PRDM16: variants seen among roughly 807,000 people sequenced by gnomAD.
PRDM16 encodes PR/SET domain 16, also known as histone-lysine N-methyltransferase PRDM16.
PRDM16 carries 23 observed loss-of-function variants against 110.6 expected under a neutral mutation model. That is an observed-to-expected ratio of 0.21 (90% CI 0.15 to 0.29). The LOEUF (loss-of-function observed/expected upper bound fraction) is 0.29, where lower values mean the gene tolerates loss of function less well. Ranked by LOEUF, PRDM16 falls within the 10% of genes least tolerant of loss-of-function variation. The probability of loss-of-function intolerance (pLI) is 1.00; values close to 1 mark genes in which losing one functional copy is unlikely to be tolerated. For synonymous variants in PRDM16, 799 were observed against 781.8 expected (o/e 1.02, Z -0.37); for missense variants, 1,615 against 1,794.3 (o/e 0.90, Z 1.81).
intron 3 of PRDM16, among the ~76,000 whole-genome samples, chr1:3,275,105 G>A (rs1253898181): frequency 6.6e-6 from 1 of 152,240 alleles, no homozygotes; most frequent in Non-Finnish European, 1.5e-5. Flanking sequence ...ACGCTTAGGT[G>A]AAATGTGCCG....
intron 1 of PRDM16, among the ~76,000 whole-genome samples, chr1:3,184,629 G>A (rs974139787): frequency 6.6e-6 from 1 of 152,204 alleles, no homozygotes; most frequent in Admixed American, 6.5e-5. Flanking sequence ...CAGTGGCAGT[G>A]AGCCGTTCAC....
At chr1:3,131,161 A>G (rs1643328470) in intron 1 of PRDM16, among the ~76,000 whole-genome samples, 1 of 151,850 alleles carries the variant, frequency 6.6e-6, no homozygotes, top group Non-Finnish European at 1.5e-5. Context: ...TTTTTTCATC[A>G]TCCTGATGAT....
intron 1 of PRDM16, among the ~76,000 whole-genome samples, chr1:3,095,552 T>C (rs961870235): frequency 6.6e-6 from 1 of 152,126 alleles, no homozygotes; most frequent in Admixed American, 6.5e-5. Context: ...GCTCAGCTGC[T>C]GGTCCTCCCT....
In PRDM16 at chr1:3,148,351, C is replaced by A. The variant is rs1569690778; in HGVS notation, c.38-37774C>A. ...CTAGGGGTGTCCCTCACCAGGCAGC[C>A]CTGCAAACCCAGGAGCCAGGAGCTG... is the stretch of plus-strand genomic sequence containing the variant. On this transcript the variant is annotated intron_variant, in intron 1 of 16. Coordinates refer to ENST00000270722, the MANE Select transcript of PRDM16 (RefSeq NM_022114.4). This position sits in a 1 kb window ranked among gnomAD's most constrained non-coding sequence, Gnocchi z 5.0. 6.6e-6 allele frequency among the ~76,000 whole-genome samples: 1 copy of A among 152,120 alleles called. No individual in the cohort carries two copies. The highest frequency in any genetic ancestry group is 1.5e-5 in the Non-Finnish European group (1 of 68,010).
intron 1 of PRDM16, among the ~76,000 whole-genome samples, chr1:3,156,249 C>G (rs1333025227): frequency 6.6e-6 from 1 of 152,218 alleles, no homozygotes; most frequent in South Asian, 2.1e-4. Flanking sequence ...GGCTCCCGGG[C>G]AGCAGGACAG....
Position 3,201,290 on chromosome 1 carries a change from T to TG in PRDM16, c.387+14819dup, listed in dbSNP as rs34461209. ...CTTGCCTCTAAAATTCGCTTTGTCA[T>TG]GGGATTTAAAATTACTTCAATTGCA... On this transcript the variant is annotated intron_variant, in intron 2 of 16. Transcript: ENST00000270722. The surrounding 1 kb of genome is among the most constrained non-coding windows in gnomAD (Gnocchi z 4.1). Among the ~76,000 whole-genome samples the TG allele has an allele frequency of 0.63, 78,096 of 124,880 alleles. 20,561 individuals carry two copies. The highest frequency in any genetic ancestry group is 0.69 in the African/African-American group (24,689 of 35,860). The allele number at this position is 124,880 out of a possible 152,430, so 81.9% of individuals were successfully genotyped here.
chr1:3,073,597 C>T (rs989768433), intron 1 of PRDM16, among the ~76,000 whole-genome samples: 7 of 152,140 alleles, frequency 4.6e-5, no homozygotes, highest in African/African-American at 9.6e-5. Flanking sequence ...CGCCGCGGTG[C>T]AGCGGCGGCC....
At chr1:3,086,193 G>A (rs974444547) in intron 1 of PRDM16, among the ~76,000 whole-genome samples, 8 of 152,264 alleles carry the variant, frequency 5.3e-5, no homozygotes, top group Middle Eastern at 6.8e-3. Context: ...GGTTGCTCAG[G>A]GTGAGCTCGT....
chr1:3,198,745 C>A (rs990150148), intron 2 of PRDM16, among the ~76,000 whole-genome samples: 3 of 152,200 alleles, frequency 2.0e-5, no homozygotes, highest in African/African-American at 7.2e-5. Flanking sequence ...ACGCAGGCTG[C>A]GGGAACCCCC....
intron 2 of PRDM16, among the ~76,000 whole-genome samples, chr1:3,212,527 C>A (rs573539805): frequency 6.6e-6 from 1 of 151,450 alleles, no homozygotes; most frequent in Non-Finnish European, 1.5e-5. Flanking sequence ...ATGTTCTGGG[C>A]GCCTCTCAGA....
chr1:3,302,667 C>T (rs1641231197), intron 3 of PRDM16, among the ~76,000 whole-genome samples: 1 of 152,212 alleles, frequency 6.6e-6, no homozygotes, highest in Non-Finnish European at 1.5e-5. Flanking sequence ...CCTCTCTGTG[C>T]CTGGGAACTG....
rs554918423 is a variant in PRDM16, at chr1:3,353,328, G to A, written c.439-31824G>A. 2.6e-4 allele frequency among the ~76,000 whole-genome samples: 39 copies of A among 152,338 alleles called. No homozygotes were observed. The highest frequency in any genetic ancestry group is 4.1e-4 in the Non-Finnish European group (28 of 68,026). On this transcript the variant is annotated intron_variant, in intron 3 of 16. Transcript: ENST00000270722. The surrounding 1 kb of genome is among the most constrained non-coding windows in gnomAD (Gnocchi z 5.4). ...CTGGGTCCCTGCAGAAACCTGGCTC[G>A]GCCTGGGGGCTATGGCAGGGCCCTC...
intron 1 of PRDM16, among the ~76,000 whole-genome samples, chr1:3,151,047 G>A (rs1040025303): frequency 6.6e-6 from 1 of 151,970 alleles, no homozygotes; most frequent in South Asian, 2.1e-4. Context: ...GAAGCCGGGG[G>A]CTGGTCCTCC....
intron 2 of PRDM16, among the ~76,000 whole-genome samples, chr1:3,193,826 G>A (rs761568332): frequency 2.0e-5 from 3 of 152,226 alleles, no homozygotes; most frequent in African/African-American, 7.2e-5. Flanking sequence ...GAGGCTGGGG[G>A]CTGCGGGCTC....
At chr1:3,251,240 A>G (rs1401424999) in intron 3 of PRDM16, among the ~76,000 whole-genome samples, 1 of 147,262 alleles carries the variant, frequency 6.8e-6, no homozygotes, top group Non-Finnish European at 1.5e-5. Context: ...CTTGAGCTCC[A>G]GGCCTGGCCG....
Position 3,359,164 on chromosome 1 carries a change from C to G in PRDM16, c.439-25988C>G, listed in dbSNP as rs890434959. 6.6e-6 allele frequency among the ~76,000 whole-genome samples: 1 copy of G among 152,164 alleles called. No individual in the cohort carries two copies. Among genetic ancestry groups the G allele is most frequent in the Non-Finnish European group, 1.5e-5 (1 of 68,028 alleles). Reference sequence around the variant, plus strand: ...AAGCGATCCTCCCTCCTCAGCCTCCCGAGTAGCTGGGACTACAGGCAGGTG... The same window carrying G: ...AAGCGATCCTCCCTCCTCAGCCTCCGGAGTAGCTGGGACTACAGGCAGGTG... On this transcript the variant is annotated intron_variant, in intron 3 of 16. Coordinates refer to ENST00000270722, the MANE Select transcript of PRDM16 (RefSeq NM_022114.4). The surrounding 1 kb of genome is among the most constrained non-coding windows in gnomAD (Gnocchi z 4.3).
intron 3 of PRDM16, chr1:3,307,538 A>T (rs892187991): frequency 5.3e-5 from 8 of 152,178 alleles, no homozygotes; most frequent in African/African-American, 1.7e-4. Flanking sequence ...GTCCCCAGAC[A>T]CCTCCCAGCA....
At chr1:3,247,614 C>T (rs1639817241) in intron 3 of PRDM16, among the ~76,000 whole-genome samples, 1 of 152,268 alleles carries the variant, frequency 6.6e-6, no homozygotes, top group Non-Finnish European at 1.5e-5. Flanking sequence ...CCCGCGTTCC[C>T]TCTGTCTCAC....
Position 3,341,892 on chromosome 1 carries a change from C to A in PRDM16, c.439-43260C>A, listed in dbSNP as rs369250964. On this transcript the variant is annotated intron_variant, in intron 3 of 16. Transcript: ENST00000270722. ...GCAGGTGAGTCCGGGCTGTCTTCTT[C>A]GGGTAGGTTAGGTGTATTAAATTCA... Among the ~76,000 whole-genome samples the A allele has an allele frequency of 7.9e-5, 12 of 152,314 alleles. 1 individual carries two copies. Among genetic ancestry groups the A allele is most frequent in the South Asian group, 4.1e-4 (2 of 4,826 alleles).
Sources: allele counts gnomAD v4.1 joint callset (sites outside exome capture counted in the v4.1 genomes callset), GRCh38; gene constraint gnomAD v4.1.1; non-coding constraint Gnocchi (gnomAD v3.1); transcripts MANE v1.5; gene names NCBI Gene and HGNC (gene_info 2026-07-23, HGNC 2026-07-21).